ELMO1: variants seen among roughly 807,000 people sequenced by gnomAD.
ELMO1 encodes engulfment and cell motility protein 1.
In ELMO1, 26 loss-of-function variants were observed where a neutral mutation model predicts 98.9. That is an observed-to-expected ratio of 0.26 (90% confidence interval 0.19 to 0.36). The LOEUF (loss-of-function observed/expected upper bound fraction) is 0.36, where lower values mean the gene tolerates loss of function less well. ELMO1 is among the 10% of genes least tolerant of loss of function. ELMO1 has a pLI of 1.00. For synonymous variants in ELMO1, 346 were observed against 346.0 expected, an observed-to-expected ratio of 1.00 and a Z score of 0.00; for missense variants, 627 against 935.2, an observed-to-expected ratio of 0.67 and a Z score of 4.30.
At chr7:36,867,108 G>A (rs945941405) in intron 20 of ELMO1, among the ~76,000 whole-genome samples, 5 of 152,004 alleles carry the variant, frequency 3.3e-5, no homozygotes, top group South Asian at 2.1e-4. Context: ...CTAGAAATAC[G>A]GGCCAGTGAG....
intron 13 of ELMO1, among the ~76,000 whole-genome samples, chr7:37,196,914 A>C (rs1791995954): frequency 1.3e-5 from 2 of 152,152 alleles, no homozygotes; most frequent in Admixed American, 1.3e-4. Context: ...CCTAGACACT[A>C]CTGCTGCTGG....
At chr7:37,170,203 C>T (rs932583314) in intron 13 of ELMO1, among the ~76,000 whole-genome samples, 47 of 152,324 alleles carry the variant, frequency 3.1e-4, no homozygotes, top group East Asian at 1.5e-3. Flanking sequence ...CCGCGCCTGG[C>T]GCAGATGCAC....
chr7:37,331,558 G>A (rs1403995988), intron 2 of ELMO1, among the ~76,000 whole-genome samples: 2 of 151,768 alleles, frequency 1.3e-5, no homozygotes, highest in African/African-American at 2.4e-5. Context: ...ATACCCATTT[G>A]CTTTGTCCTC....
chr7:36,971,903 A>AT (rs905727215), intron 16 of ELMO1, among the ~76,000 whole-genome samples: 13 of 152,196 alleles, frequency 8.5e-5, no homozygotes, highest in South Asian at 2.1e-4. Flanking sequence ...ACAAGCAGAG[A>AT]TTTTTTTTAA....
At chr7:37,217,702 G>C (rs1269271350) in intron 10 of ELMO1, 1 of 457,086 alleles carries the variant, frequency 2.2e-6, no homozygotes, top group Non-Finnish European at 4.4e-6. Flanking sequence ...AGGGAACGTG[G>C]GTGACTTACA....
intron 13 of ELMO1, among the ~76,000 whole-genome samples, chr7:37,184,609 C>T (rs1791086852): frequency 6.6e-6 from 1 of 152,128 alleles, no homozygotes; most frequent in South Asian, 2.1e-4. Flanking sequence ...AAACCTTTTA[C>T]TATGTTTATG....
chr7:37,419,035 A>T (rs929646492), intron 1 of ELMO1, among the ~76,000 whole-genome samples: 4 of 151,588 alleles, frequency 2.6e-5, no homozygotes, highest in African/African-American at 9.7e-5. Flanking sequence ...CCCCACTCCT[A>T]CCCCCCAGGA....
chr7:37,325,528 G>A (rs537305606), intron 2 of ELMO1, among the ~76,000 whole-genome samples: 179 of 152,178 alleles, frequency 1.2e-3, no homozygotes, highest in Non-Finnish European at 2.2e-3. Flanking sequence ...TCTGTCCAGC[G>A]ATAGCCTCAT....
At chr7:37,262,041 A>T (rs1417898078) in intron 5 of ELMO1, among the ~76,000 whole-genome samples, 1 of 152,252 alleles carries the variant, frequency 6.6e-6, no homozygotes, top group Non-Finnish European at 1.5e-5. Context: ...TAAGAAAACA[A>T]AGAAAAAGTC....
chr7:37,140,512 C>G (rs1787565090), intron 13 of ELMO1, among the ~76,000 whole-genome samples: 2 of 151,966 alleles, frequency 1.3e-5, no homozygotes, highest in Non-Finnish European at 2.9e-5. Context: ...GCAAATGCAA[C>G]AAAAACAAAC....
chr7:37,330,725 G>C (rs138271370), intron 2 of ELMO1, among the ~76,000 whole-genome samples: 1 of 152,290 alleles, frequency 6.6e-6, no homozygotes, highest in African/African-American at 2.4e-5. Context: ...ACAGAAAGAA[G>C]ATTCATTCTT....
chr7:36,958,115 C>A (rs184204962), intron 16 of ELMO1, among the ~76,000 whole-genome samples: 2 of 152,334 alleles, frequency 1.3e-5, no homozygotes, highest in East Asian at 3.9e-4. Flanking sequence ...TCCATCACCC[C>A]ATTCATGGCT....
At chr7:37,414,808 A>G (rs1804145280) in intron 1 of ELMO1, among the ~76,000 whole-genome samples, 1 of 151,012 alleles carries the variant, frequency 6.6e-6, no homozygotes, top group Admixed American at 6.6e-5. Context: ...ATCCCTGGGT[A>G]TGTTACAATG....
At chr7:37,093,607 G>T (rs188399701) in intron 15 of ELMO1, among the ~76,000 whole-genome samples, 1 of 152,282 alleles carries the variant, frequency 6.6e-6, no homozygotes, top group East Asian at 1.9e-4. Flanking sequence ...TTCAACATAA[G>T]GGTGTATTCA....
At chr7:37,086,724 C>T (rs1225543376) in intron 15 of ELMO1, among the ~76,000 whole-genome samples, 1 of 102,816 alleles carries the variant, frequency 9.7e-6, no homozygotes, top group Admixed American at 1.3e-4. Context: ...GCCTGGGCAA[C>T]AGAGTGAGAT....
At position 37,406,267 on chromosome 7, in the gene ELMO1, G is replaced by C. The variant is rs367658180; in HGVS notation, c.-74+42408C>G. On this transcript the variant is annotated intron_variant, in intron 1 of 21. Transcript: ENST00000310758. ...GAGAAATCTGCAATATTACTCTTTTGTTTTTTTTTTTTCTCTCTTTGTATA... is the reference window on the plus strand; with the variant it reads ...GAGAAATCTGCAATATTACTCTTTTCTTTTTTTTTTTTCTCTCTTTGTATA... 3.4e-5 allele frequency among the ~76,000 whole-genome samples: 5 copies of C among 145,560 alleles called. No individual in the cohort carries two copies. The East Asian group carries it at 1.0e-3, about 29-fold the overall frequency.
intron 16 of ELMO1, among the ~76,000 whole-genome samples, chr7:36,912,859 G>A (rs1784433570): frequency 6.6e-6 from 1 of 152,122 alleles, no homozygotes; most frequent in African/African-American, 2.4e-5. Flanking sequence ...GTGTTGAAAA[G>A]AATTTTTGGT....
At chr7:37,268,925 GCA>G (rs1421401345) in intron 5 of ELMO1, among the ~76,000 whole-genome samples, 1 of 152,212 alleles carries the variant, frequency 6.6e-6, no homozygotes, top group Non-Finnish European at 1.5e-5. Flanking sequence ...CATAAAAACA[GCA>G]GTGTGTGTGT....
At chr7:37,239,231 C>T (rs988896470) in intron 7 of ELMO1, among the ~76,000 whole-genome samples, 4 of 152,048 alleles carry the variant, frequency 2.6e-5, no homozygotes, top group African/African-American at 4.8e-5. Flanking sequence ...AGTGGCACGA[C>T]GTCGGCTCAC....
Sources: gnomAD v4.1 joint callset for allele counts (sites outside exome capture counted in the v4.1 genomes callset) on GRCh38, gnomAD v4.1.1 for gene constraint, MANE v1.5 for transcripts, NCBI Gene and HGNC (gene_info 2026-07-23, HGNC 2026-07-21) for gene names.